AATK: variants seen among roughly 807,000 people sequenced by gnomAD.
AATK encodes lemur tail kinase 1, also known as serine/threonine-protein kinase LMTK1.
Under a neutral mutation model 114.3 loss-of-function variants are expected in AATK, and 91 were observed. That is an observed-to-expected ratio of 0.80 (90% CI 0.67 to 0.95). The LOEUF (loss-of-function observed/expected upper bound fraction) is 0.95, where lower values mean the gene tolerates loss of function less well. AATK is among the 40% of genes least tolerant of loss of function. The pLI, the probability that AATK is intolerant of heterozygous loss-of-function variation, is 0.00. For missense variants in AATK, 2,176 were observed against 1,965.2 expected, an observed-to-expected ratio of 1.11 and a Z score of -2.03; for synonymous variants, 1,075 against 916.5, an observed-to-expected ratio of 1.17 and a Z score of -3.12.
At chr17:81,128,612 C>T (rs995119845) in intron 3 of AATK, 63 bp from the exon 4 acceptor site, 22 of 1,543,160 alleles carry the variant, frequency 1.4e-5, no homozygotes, top group Non-Finnish European at 1.7e-5. Flanking sequence ...CTTCCTCACC[C>T]GGCCCCTGGA....
In AATK at chr17:81,126,649, C is replaced by T. The variant is rs766677671; in HGVS notation, c.622-89G>A. 5.4e-6 allele frequency: 8 copies of T among 1,477,406 alleles called. No homozygotes were observed. Among genetic ancestry groups the T allele is most frequent in the Non-Finnish European group, 7.2e-6 (8 of 1,107,936 alleles). 91.5% of individuals were successfully genotyped at this position (1,477,406 alleles called of 1,614,324 possible). ...CACCTACCTCCCCAACTCCTCCACC[C>T]CTACCCACAGCTGAGGGACAGCAGC... On this transcript the variant is annotated intron_variant, in intron 6 of 13. Coordinates refer to ENST00000326724, the MANE Select transcript of AATK (RefSeq NM_001080395.3). The surrounding 1 kb of genome is among the most constrained non-coding windows in gnomAD (Gnocchi z 5.1).
chr17:81,120,306 C>T lies in AATK; in HGVS notation c.3630G>A (p.Leu1210=), dbSNP rs752095600. The part of the protein sequence containing the change: ...ESQSARNLRS[L]LKMPSLLSET... Reference sequence around the variant, plus strand: ...CGGACAGCAGGCTGGGCATCTTGAGCAGGCTGCGCAGGTTGCGCGCGCTCT... The same window carrying T: ...CGGACAGCAGGCTGGGCATCTTGAGTAGGCTGCGCAGGTTGCGCGCGCTCT... The change falls in exon 11 of 14, where the codon CTG becomes CTA. Residue 1210 remains leucine, a synonymous_variant. Transcript: ENST00000326724. 10 of 1,609,768 alleles carry T rather than the reference C, an allele frequency of 6.2e-6. No individual in the cohort carries two copies. Among genetic ancestry groups the T allele is most frequent in the Non-Finnish European group, 8.5e-6 (10 of 1,178,552 alleles).
chr17:81,122,036 AGGC>A lies in AATK; in HGVS notation c.1897_1899del (p.Ala633del). The A allele has an allele frequency of 1.9e-6, 3 of 1,599,032 alleles. No homozygotes were observed. Among genetic ancestry groups the A allele is most frequent in the Non-Finnish European group, 2.5e-6 (3 of 1,178,998 alleles). Reference sequence around the variant, plus strand: ...GGGTCCTCGAAGAAGGCAGGACAGAAGGCGGCCACGCCCCAGTCTGCATCCTCC... The same window carrying A: ...GGGTCCTCGAAGAAGGCAGGACAGAAGGCCACGCCCCAGTCTGCATCCTCC... On this transcript the variant is annotated inframe_deletion, in exon 11 of 14. Transcript: ENST00000326724.
intron 1 of AATK, among the ~76,000 whole-genome samples, chr17:81,153,001 C>T (rs2061316852): frequency 1.3e-5 from 2 of 152,106 alleles, no homozygotes; most frequent in Non-Finnish European, 2.9e-5. Flanking sequence ...CACCACCACG[C>T]TCAGCTAATA....
At chr17:81,132,939 C>T in intron 2 of AATK, 1 of 266,506 alleles carries the variant, frequency 3.8e-6, no homozygotes, top group Non-Finnish European at 7.6e-6. Flanking sequence ...TTACAGTGCC[C>T]CAAGGAGGGG....
chr17:81,153,195 A>C (rs2061319074), intron 1 of AATK, among the ~76,000 whole-genome samples: 1 of 152,216 alleles, frequency 6.6e-6, no homozygotes, highest in Non-Finnish European at 1.5e-5. Context: ...CTGTTGGATT[A>C]GGAAATTCCA....
intron 1 of AATK, chr17:81,165,461 C>T (rs75091821): frequency 5.2e-6 from 2 of 383,786 alleles, no homozygotes; most frequent in Admixed American, 3.5e-5. Flanking sequence ...GGCCCCTGCT[C>T]CCCCCACATC....
intron 13 of AATK, among the ~76,000 whole-genome samples, chr17:81,118,969 C>G (rs988220051): frequency 1.3e-5 from 2 of 152,154 alleles, no homozygotes; most frequent in African/African-American, 4.8e-5. Flanking sequence ...TGGCCGGGAG[C>G]GGTGGCTCAG....
At position 81,119,917 on chromosome 17, in the gene AATK, C is replaced by T; in HGVS notation, c.3883+19G>A. 7.0e-7 allele frequency: 1 copy of T among 1,420,028 alleles called. No individual in the cohort carries two copies. Among genetic ancestry groups the T allele is most frequent in the Non-Finnish European group, 9.2e-7 (1 of 1,089,602 alleles). 88.0% of individuals were successfully genotyped at this position (1,420,028 alleles called of 1,614,324 possible). The stretch of plus-strand genomic sequence containing the variant: ...CCTGCCTCCCGTGACGTCACGGGCC[C>T]AGCCCCGCCCCTGCTCACCCTCTTC... On this transcript the variant is annotated intron_variant, in intron 12 of 13. Coordinates refer to ENST00000326724, the MANE Select transcript of AATK (RefSeq NM_001080395.3).
intron 1 of AATK, chr17:81,165,432 G>T: frequency 3.0e-6 from 1 of 330,604 alleles, no homozygotes; most frequent in Non-Finnish European, 6.0e-6. Flanking sequence ...TCTGCCCACT[G>T]GGCTCTGTAA....
chr17:81,122,450 G>A lies in AATK; in HGVS notation c.1486C>T (p.Pro496Ser). 1 of 1,451,850 alleles carries A rather than the reference G, an allele frequency of 6.9e-7. No individual in the cohort carries two copies. Among genetic ancestry groups the A allele is most frequent in the East Asian group, 3.1e-5 (1 of 32,324 alleles). 89.9% of individuals were successfully genotyped at this position (1,451,850 alleles called of 1,614,324 possible). Residue 496 changes from proline (P) to serine (S), a missense_variant, in exon 11 of 14, where the codon CCT (proline) becomes TCT (serine). Transcript: ENST00000326724. ...GAEAFPATLS[P>S]GRTARLQELC... ...TCCTGCAGGCGTGCGGTGCGGCCAG[G>A]GCTCAGCGTGGCCGGGAAGGCCTCC...
intron 1 of AATK, among the ~76,000 whole-genome samples, chr17:81,141,917 CTCCTTCCTTCCTTCCTTCCTTCCT>C (rs72007585): frequency 7.6e-6 from 1 of 132,244 alleles, no homozygotes; most frequent in African/African-American, 3.0e-5. Flanking sequence ...CTTTCTCCCT[CTCCTTCCTTCCTTCCTTCCTTCCT>C]TCCTTCCTTC....
At chr17:81,152,492 G>C (rs898743875) in intron 1 of AATK, among the ~76,000 whole-genome samples, 3 of 152,148 alleles carry the variant, frequency 2.0e-5, no homozygotes, top group Admixed American at 6.5e-5. Context: ...GCTGAGGCGG[G>C]AGGATCGCTT....
chr17:81,133,215 G>A (rs1343215551), intron 2 of AATK: 8 of 492,328 alleles, frequency 1.6e-5, no homozygotes, highest in African/African-American at 1.6e-4. Flanking sequence ...CACTTCAGAG[G>A]GCTCTGGAAG....
Position 81,120,464 on chromosome 17 carries a change from G to A in AATK, c.3472C>T (p.Pro1158Ser). The A allele has an allele frequency of 1.3e-6, 2 of 1,539,680 alleles. No homozygotes were observed. Among genetic ancestry groups the A allele is most frequent in the East Asian group, 2.4e-5 (1 of 42,180 alleles). The change falls in exon 11 of 14, where the codon CCG becomes TCG. Residue 1158 changes from proline (P) to serine (S), a missense_variant. Transcript: ENST00000326724. ...TCACTGTCCTCCTCCTCCTCCTCCG[G>A]CCGGCCCTCCAAGGCCGCAGGGAGG... ...PGLPAALEGR[P>S]EEEEEDSEDS...
chr17:81,134,651 CAG>C, intron 1 of AATK, 150 bp from the exon 2 acceptor site: 2 of 1,061,812 alleles, frequency 1.9e-6, no homozygotes, highest in South Asian at 3.2e-5. Context: ...CCACACCTCA[CAG>C]TGTGGCGAGG....
Position 81,119,765 on chromosome 17 carries a change from C to T in AATK, c.3883+171G>A, listed in dbSNP as rs568049721. Among the ~76,000 whole-genome samples, 101 of 150,864 alleles carry T rather than the reference C, an allele frequency of 6.7e-4. 1 individual carries two copies. In the South Asian group the frequency reaches 0.021, roughly 31 times the overall value. The stretch of plus-strand genomic sequence containing the variant: ...ACGGACAAGGCCCCGCCTTCCGTGA[C>T]GTCACGTACCAGACCCGCCTCCCAT... On this transcript the variant is annotated intron_variant, in intron 12 of 13. Coordinates refer to ENST00000326724, the MANE Select transcript of AATK (RefSeq NM_001080395.3).
At chr17:81,144,693 T>C (rs2061191030) in intron 1 of AATK, among the ~76,000 whole-genome samples, 1 of 152,076 alleles carries the variant, frequency 6.6e-6, no homozygotes, top group Admixed American at 6.5e-5. Context: ...TGTGGCAGAG[T>C]CTGAGAGCCC....
At chr17:81,150,997 C>T (rs1435916427) in intron 1 of AATK, among the ~76,000 whole-genome samples, 1 of 152,164 alleles carries the variant, frequency 6.6e-6, no homozygotes, top group African/African-American at 2.4e-5. Context: ...TACGAATACC[C>T]CTACCTCTCA....
Sources: gnomAD v4.1 joint callset for allele counts (sites outside exome capture counted in the v4.1 genomes callset) on GRCh38, gnomAD v4.1.1 for gene constraint, Gnocchi (gnomAD v3.1) non-coding constraint, MANE v1.5 for transcripts, NCBI Gene and HGNC (gene_info 2026-07-23, HGNC 2026-07-21) for gene names.